The following CACNA1C variants were observed in gnomAD, a reference collection of about 807,000 sequenced individuals.
CACNA1C encodes calcium voltage-gated channel subunit alpha1 C, also known as voltage-dependent L-type calcium channel subunit alpha-1C.
In CACNA1C, 30 loss-of-function variants were observed where a neutral mutation model predicts 229.0. That is an observed-to-expected ratio of 0.13 (90% CI 0.10 to 0.18). CACNA1C has a LOEUF of 0.18. CACNA1C is among the 10% of genes least tolerant of loss of function. The pLI is 1.00. For synonymous variants in CACNA1C, 1,114 were observed against 1,132.5 expected, an observed-to-expected ratio of 0.98 and a Z score of 0.33; for missense variants, 1,658 against 2,845.0, an observed-to-expected ratio of 0.58 and a Z score of 9.49.
chr12:2,450,425 G>T (rs1006721040), intron 4 of CACNA1C, among the ~76,000 whole-genome samples: 5 of 151,572 alleles, frequency 3.3e-5, no homozygotes, highest in Non-Finnish European at 7.4e-5. Flanking sequence ...GAGGTGGCGG[G>T]CGCCTGTAGT....
rs768415458 is a variant in CACNA1C at position 2,677,829 on chromosome 12, G to A, written c.5053G>A (p.Glu1685Lys). The change falls in exon 41 of 47, where the codon GAG becomes AAG. Residue 1685 changes from glutamate (E) to lysine (K), a missense_variant. Physicochemically the swap from Glu to Lys is moderately conservative, Grantham distance 56 (BLOSUM62 1). Around this residue, in one of 20 missense-constraint regions of CACNA1C, gnomAD observed 590 missense variants for 700.8 expected, o/e 0.84. Transcript: ENST00000399655. The surrounding 1 kb of genome is among the most constrained non-coding windows in gnomAD (Gnocchi z 7.4). ...GGAGGAGCTGGACAAGGCCATGAAGGAGGCTGTGTCCGCTGCTTCTGAAGA... is the reference window on the plus strand; with the variant it reads ...GGAGGAGCTGGACAAGGCCATGAAGAAGGCTGTGTCCGCTGCTTCTGAAGA... ...AEEELDKAMK[E>K]AVSAASEDDI... 5.6e-6 allele frequency: 9 copies of A among 1,613,884 alleles called. No individual in the cohort carries two copies. The highest frequency in any genetic ancestry group is 2.2e-5 in the East Asian group (1 of 44,898).
At chr12:2,547,919 T>C (rs1164636672) in intron 9 of CACNA1C, among the ~76,000 whole-genome samples, 1 of 152,094 alleles carries the variant, frequency 6.6e-6, no homozygotes, top group Non-Finnish European at 1.5e-5. Flanking sequence ...TGTCTGTCTT[T>C]CCAGGCCTAG....
chr12:2,001,798 T>C (rs2042249395), intron 1 of CACNA1C, among the ~76,000 whole-genome samples: 1 of 152,194 alleles, frequency 6.6e-6, no homozygotes, highest in East Asian at 1.9e-4. Context: ...TTAGGGCAGT[T>C]TTCAGGCTCA....
At chr12:2,042,404 A>G (rs12296662) in intron 1 of CACNA1C, among the ~76,000 whole-genome samples, 2,473 of 152,322 alleles carry the variant, frequency 0.016, 63 homozygotes, top group African/African-American at 0.056. Flanking sequence ...TTAATGTACA[A>G]CTGAGCAAAA....
chr12:2,666,563 G>C lies in CACNA1C; in HGVS notation c.4527-123G>C. On this transcript the variant is annotated intron_variant, in intron 36 of 46. Transcript: ENST00000399655. The surrounding 1 kb of genome is among the most constrained non-coding windows in gnomAD (Gnocchi z 5.3). ...CTCTGTACTGAGTGTGACTAATAGG[G>C]CTACCACACTGTGCAGTGTTGCCCA... is the stretch of plus-strand genomic sequence containing the variant. The C allele has an allele frequency of 1.6e-6, 1 of 616,740 alleles. No individual in the cohort carries two copies. 38.2% of individuals were successfully genotyped at this position (616,740 alleles called of 1,614,324 possible).
intron 3 of CACNA1C, among the ~76,000 whole-genome samples, chr12:2,302,445 C>G (rs2094635831): frequency 6.6e-6 from 1 of 151,970 alleles, no homozygotes; most frequent in Non-Finnish European, 1.5e-5. Flanking sequence ...AGTCCCTTGC[C>G]TCGTCCATAC....
intron 3 of CACNA1C, among the ~76,000 whole-genome samples, chr12:2,355,335 T>TTC (rs1406112092): frequency 2.0e-5 from 3 of 151,806 alleles, no homozygotes; most frequent in Non-Finnish European, 4.4e-5. Flanking sequence ...TGTCCCTGAG[T>TTC]GCCCATCCCC....
chr12:2,493,412 A>C lies in CACNA1C; in HGVS notation c.1113+26A>C, dbSNP rs149699136. Reference sequence around the variant, plus strand: ...GTACGTAGCATGAGTGGGCAGTCAGAGGGTGGGGGAACAGCGGCCGTGAAC... The same window carrying C: ...GTACGTAGCATGAGTGGGCAGTCAGCGGGTGGGGGAACAGCGGCCGTGAAC... On this transcript the variant is annotated intron_variant, in intron 7 of 46. Transcript: ENST00000399655. This position sits in a 1 kb window ranked among gnomAD's most constrained non-coding sequence, Gnocchi z 4.6. The C allele has an allele frequency of 3.2e-3, 5,051 of 1,579,630 alleles. 134 individuals carry two copies. The African/African-American group carries it at 0.06, about 19-fold the overall frequency.
At chr12:2,271,495 A>G (rs1395866216) in intron 3 of CACNA1C, among the ~76,000 whole-genome samples, 1 of 152,184 alleles carries the variant, frequency 6.6e-6, no homozygotes, top group Admixed American at 6.5e-5. Context: ...GTTGCCACTT[A>G]CTAGCTGGGT....
At position 2,053,125 on chromosome 12, in the gene CACNA1C, C is replaced by T; in HGVS notation, c.-438C>T. The stretch of plus-strand genomic sequence containing the variant: ...CCGGCTCCCTTTGACAGCAGAGAGC[C>T]GGGCAGGGGCCTCAGGAGGACTCGC... On this transcript the variant is annotated 5_prime_UTR_variant, in exon 1 of 47. Coordinates refer to ENST00000399655, the MANE Select transcript of CACNA1C (RefSeq NM_000719.7). The surrounding 1 kb of genome is among the most constrained non-coding windows in gnomAD (Gnocchi z 5.8). The T allele has an allele frequency of 3.0e-6, 3 of 984,792 alleles. No individual in the cohort carries two copies. Among genetic ancestry groups the T allele is most frequent in the Non-Finnish European group, 3.6e-6 (3 of 829,676 alleles). 61.0% of individuals were successfully genotyped at this position (984,792 alleles called of 1,614,324 possible). A position where few individuals can be genotyped will look rare whatever the true frequency, so the allele number is the denominator to read the frequency against.
At chr12:2,039,206 A>G (rs1240036130) in intron 1 of CACNA1C, among the ~76,000 whole-genome samples, 2 of 152,172 alleles carry the variant, frequency 1.3e-5, no homozygotes, top group Non-Finnish European at 2.9e-5. Flanking sequence ...CTCACTAAAC[A>G]ATGATGAGAG....
chr12:2,260,616 C>T (rs1419618690), intron 3 of CACNA1C, among the ~76,000 whole-genome samples: 2 of 152,188 alleles, frequency 1.3e-5, no homozygotes, highest in African/African-American at 4.8e-5. Context: ...TCGGCCCGTC[C>T]TGGAGTCGGG....
At chr12:2,305,121 G>T (rs992657933) in intron 3 of CACNA1C, among the ~76,000 whole-genome samples, 1 of 152,140 alleles carries the variant, frequency 6.6e-6, no homozygotes, top group Non-Finnish European at 1.5e-5. Flanking sequence ...CATCTTCCCT[G>T]ATCTCCTGTC....
chr12:2,235,144 C>A (rs1019641191), intron 3 of CACNA1C, among the ~76,000 whole-genome samples: 4 of 152,214 alleles, frequency 2.6e-5, no homozygotes, highest in Non-Finnish European at 5.9e-5. Flanking sequence ...GTTCTCCCAG[C>A]CCCTTCGGCC....
At position 2,679,781 on chromosome 12, in the gene CACNA1C, A is replaced by G; in HGVS notation, c.5429A>G (p.Lys1810Arg). 1 of 1,568,800 alleles carries G rather than the reference A, an allele frequency of 6.4e-7. No homozygotes were observed. Among genetic ancestry groups the G allele is most frequent in the Non-Finnish European group, 8.7e-7 (1 of 1,155,968 alleles). Residue 1810 changes from lysine to arginine, a missense_variant, in exon 42 of 47, where the codon AAG becomes AGG. Physicochemically the swap from Lys to Arg is conservative, Grantham distance 26. Around this residue, in one of 20 missense-constraint regions of CACNA1C, gnomAD observed 590 missense variants for 700.8 expected, o/e 0.84. Coordinates refer to ENST00000399655, the MANE Select transcript of CACNA1C (RefSeq NM_000719.7). The surrounding 1 kb of genome is among the most constrained non-coding windows in gnomAD (Gnocchi z 5.5). ...PAIRVQEVAW[K>R]LSSNRCHSRE... ...ATCCGGGTGCAGGAGGTGGCGTGGA[A>G]GCTCAGCTCCAACAGGTAAGTGGGA...
chr12:2,685,971 A>C (rs1156372606), intron 44 of CACNA1C, 129 bp downstream of exon 44: 5 of 799,594 alleles, frequency 6.3e-6, no homozygotes, highest in Non-Finnish European at 1.1e-5. Context: ...TTCCAAAGCA[A>C]GGAGACAACA....
At chr12:2,554,422 A>G (rs779480505) in intron 10 of CACNA1C, among the ~76,000 whole-genome samples, 10 of 152,180 alleles carry the variant, frequency 6.6e-5, no homozygotes, top group Non-Finnish European at 1.3e-4. Flanking sequence ...ATTGTGCCTC[A>G]TTGGAACAAC....
chr12:2,368,698 A>G (rs919813839), intron 3 of CACNA1C, among the ~76,000 whole-genome samples: 2 of 152,226 alleles, frequency 1.3e-5, no homozygotes, highest in African/African-American at 4.8e-5. Context: ...TTCCAAATTA[A>G]TTCATGAGTT....
chr12:2,547,634 A>G (rs556519182), intron 9 of CACNA1C: 1 of 701,646 alleles, frequency 1.4e-6, no homozygotes, highest in African/African-American at 1.7e-5. Context: ...GTGTGTGTGC[A>G]TATATGTGTA....
Sources: gnomAD v4.1 joint callset for allele counts (sites outside exome capture counted in the v4.1 genomes callset) on GRCh38, gnomAD v4.1.1 for gene constraint, gnomAD v4.1.1 regional missense constraint, Gnocchi (gnomAD v3.1) non-coding constraint, MANE v1.5 for transcripts, NCBI Gene and HGNC (gene_info 2026-07-23, HGNC 2026-07-21) for gene names.